Variants in DCAF6 observed in about 807,000 individuals in gnomAD.
The protein encoded by DCAF6 is DDB1- and CUL4-associated factor 6.
A neutral mutation model predicts 125.1 loss-of-function variants in DCAF6; 54 were observed. That is an observed-to-expected ratio of 0.43 (90% CI 0.35 to 0.54). The LOEUF (loss-of-function observed/expected upper bound fraction) is 0.54. DCAF6 is among the 20% of genes least tolerant of loss of function. The probability of loss-of-function intolerance (pLI) is 0.01; values close to 1 mark genes in which losing one functional copy is unlikely to be tolerated. For missense variants in DCAF6, 934 were observed against 1,161.7 expected (o/e 0.80, Z 2.85); for synonymous variants, 371 against 390.4 (o/e 0.95, Z 0.58).
chr1:168,044,781 C>A, intron 15 of DCAF6, 110 bp downstream of exon 15: 2 of 1,422,614 alleles, frequency 1.4e-6, no homozygotes, highest in East Asian at 2.3e-5. Context: ...TGGAAGTTTC[C>A]TCCCCTTATA....
At chr1:168,043,666 C>A (rs1337625704) in intron 14 of DCAF6, among the ~76,000 whole-genome samples, 1 of 152,020 alleles carries the variant, frequency 6.6e-6, no homozygotes, top group Non-Finnish European at 1.5e-5. Context: ...TCAATAAATG[C>A]TTGATTAATG....
chr1:167,925,440 C>CAT, the DCAF6 span, among the ~76,000 whole-genome samples: 5 of 49,648 alleles, frequency 1.0e-4, no homozygotes, highest in East Asian at 4.6e-4. Context: ...TATACATATA[C>CAT]ACATATATAT....
At position 167,936,904 on chromosome 1, in the gene DCAF6, G is replaced by T; in HGVS notation, c.-8G>T. The T allele has an allele frequency of 6.3e-7, 1 of 1,594,204 alleles. No individual in the cohort carries two copies. Among genetic ancestry groups the T allele is most frequent in the Non-Finnish European group, 8.5e-7 (1 of 1,171,784 alleles). On this transcript the variant is annotated 5_prime_UTR_variant, in exon 1 of 22. Transcript: ENST00000367840. ...TGGTCTCCCCTCCCACCCGGCTCAG[G>T]CAGAGCCATGTCTCGGGGTGGCTCC...
At chr1:167,929,538 T>A in the DCAF6 span, among the ~76,000 whole-genome samples, 1 of 152,202 alleles carries the variant, frequency 6.6e-6, no homozygotes, top group Non-Finnish European at 1.5e-5. Flanking sequence ...CATAAGCAAA[T>A]AATAACAGAC....
intron 17 of DCAF6, among the ~76,000 whole-genome samples, chr1:168,056,637 A>G (rs1323016501): frequency 6.6e-6 from 1 of 152,248 alleles, no homozygotes; most frequent in East Asian, 1.9e-4. Flanking sequence ...GGGAAATACT[A>G]CATTGTGTAT....
intron 1 of DCAF6, among the ~76,000 whole-genome samples, chr1:167,938,210 C>T (rs1011812145): frequency 1.3e-5 from 2 of 151,982 alleles, no homozygotes; most frequent in Non-Finnish European, 2.9e-5. Flanking sequence ...TCTTCCAGAC[C>T]TTTTTGTTTG....
chr1:167,873,076 A>G, the DCAF6 span, among the ~76,000 whole-genome samples: 43 of 151,238 alleles, frequency 2.8e-4, no homozygotes, highest in Middle Eastern at 3.4e-3. Flanking sequence ...TCTCAAAAGA[A>G]AAAAAAAAGA....
At chr1:168,038,521 C>T (rs760363470) in intron 13 of DCAF6, 33 bp downstream of exon 13, 1 of 1,439,964 alleles carries the variant, frequency 6.9e-7, no homozygotes, top group Admixed American at 2.1e-5. Context: ...ATGTTCTTAG[C>T]CATTTTGTAG....
chr1:167,892,349 C>G, the DCAF6 span, among the ~76,000 whole-genome samples: 2 of 152,154 alleles, frequency 1.3e-5, no homozygotes, highest in African/African-American at 4.8e-5. Context: ...GAAAAGAGGA[C>G]TACGGTATCT....
At chr1:167,960,403 A>T (rs917257866) in intron 2 of DCAF6, among the ~76,000 whole-genome samples, 1 of 152,110 alleles carries the variant, frequency 6.6e-6, no homozygotes, top group Admixed American at 6.5e-5. Context: ...GGTTCAAGTG[A>T]TTCTCCTGCC....
intron 1 of DCAF6, among the ~76,000 whole-genome samples, chr1:167,940,942 C>T (rs1416107009): frequency 6.6e-6 from 1 of 151,992 alleles, no homozygotes; most frequent in African/African-American, 2.4e-5. Context: ...TTTATGAAGT[C>T]AGTGTCCTTT....
At chr1:167,982,074 T>C (rs995520657) in intron 4 of DCAF6, among the ~76,000 whole-genome samples, 1 of 152,216 alleles carries the variant, frequency 6.6e-6, no homozygotes, top group Non-Finnish European at 1.5e-5. Context: ...TTCTCACTCA[T>C]ATGAGATGGT....
intron 1 of DCAF6, among the ~76,000 whole-genome samples, chr1:167,942,164 C>T (rs146595176): frequency 0.024 from 3,664 of 152,308 alleles, 132 homozygotes; most frequent in African/African-American, 0.081. Flanking sequence ...CTGCTGGGTT[C>T]AAGAGATTCT....
chr1:167,923,048 C>T, the DCAF6 span, among the ~76,000 whole-genome samples: 2 of 152,054 alleles, frequency 1.3e-5, no homozygotes, highest in East Asian at 3.8e-4. Flanking sequence ...AAATGCTCCC[C>T]CATCAAAAGT....
At chr1:167,870,638 C>A in the DCAF6 span, among the ~76,000 whole-genome samples, 1,012 of 92,992 alleles carry the variant, frequency 0.011, no homozygotes, top group Non-Finnish European at 0.012. Context: ...ACTGAAAATA[C>A]AAAAAAAAAA....
intron 13 of DCAF6, among the ~76,000 whole-genome samples, chr1:168,039,544 A>C (rs958735429): frequency 5.4e-4 from 81 of 149,554 alleles, no homozygotes; most frequent in Non-Finnish European, 9.2e-4. Context: ...TAAACTTAGG[A>C]ATAGTAATCT....
chr1:167,998,037 C>T (rs1179950022), intron 7 of DCAF6, among the ~76,000 whole-genome samples: 1 of 152,180 alleles, frequency 6.6e-6, no homozygotes, highest in Admixed American at 6.5e-5. Context: ...TTGGAACCCT[C>T]AAAAAATTAG....
At chr1:167,895,730 A>G in the DCAF6 span, among the ~76,000 whole-genome samples, 10,009 of 152,286 alleles carry the variant, frequency 0.066, 390 homozygotes, top group Middle Eastern at 0.11. Context: ...AGCAACTTGC[A>G]GGACCTTGAG....
At chr1:167,961,727 GT>G (rs1226021650) in intron 2 of DCAF6, among the ~76,000 whole-genome samples, 2 of 152,118 alleles carry the variant, frequency 1.3e-5, no homozygotes, top group African/African-American at 4.8e-5. Context: ...TCCTTGTCTT[GT>G]TTTTGATATT....
Sources: gnomAD v4.1 joint callset for allele counts (sites outside exome capture counted in the v4.1 genomes callset) on GRCh38, gnomAD v4.1.1 for gene constraint, MANE v1.5 for transcripts, NCBI Gene and HGNC (gene_info 2026-07-23, HGNC 2026-07-21) for gene names.